SLTM: variants seen among roughly 807,000 people sequenced by gnomAD.
SLTM encodes the protein SAFB like transcription modulator.
SLTM carries 43 observed loss-of-function variants against 134.6 expected under a neutral mutation model. The ratio of observed to expected loss-of-function variants is 0.32; its 90% CI spans 0.25 to 0.41. SLTM has a LOEUF of 0.41. Among genes scored for constraint, SLTM ranks in the 10% least tolerant of loss-of-function variants. The pLI, the probability that SLTM is intolerant of heterozygous loss-of-function variation, is 1.00. For missense variants in SLTM, 1,055 were observed against 1,288.8 expected (o/e 0.82, Z 2.78); for synonymous variants, 424 against 432.3 (o/e 0.98, Z 0.24).
intron 9 of SLTM, among the ~76,000 whole-genome samples, chr15:58,895,451 G>A (rs1233353046): frequency 6.6e-6 from 1 of 152,092 alleles, no homozygotes; most frequent in African/African-American, 2.4e-5. Flanking sequence ...ACAAAGCAGG[G>A]ATGGATGAGT....
intron 1 of SLTM, among the ~76,000 whole-genome samples, chr15:58,933,174 G>A (rs1422763805): frequency 6.6e-6 from 1 of 151,736 alleles, no homozygotes; most frequent in East Asian, 1.9e-4. Flanking sequence ...GGCACGCTGG[G>A]CTGCGGTGGC....
At position 58,887,135 on chromosome 15, in the gene SLTM, T is replaced by TAA. The variant is rs768752086; in HGVS notation, c.2691-18_2691-17dup. On this transcript the variant is annotated splice_polypyrimidine_tract_variant and intron_variant, in intron 18 of 20. Coordinates refer to ENST00000380516, the MANE Select transcript of SLTM (RefSeq NM_024755.4). The stretch of plus-strand genomic sequence containing the variant: ...CCTTTCAACTCTGTTAAACAAAACA[T>TAA]AAAAACATACATGATCAAAACTGTA... The TAA allele has an allele frequency of 3.1e-6, 5 of 1,613,884 alleles. No homozygotes were observed. In the East Asian group the frequency reaches 1.1e-4, roughly 36 times the overall value.
chr15:58,910,491 A>G (rs566096481), intron 5 of SLTM, among the ~76,000 whole-genome samples: 1 of 152,356 alleles, frequency 6.6e-6, no homozygotes, highest in South Asian at 2.1e-4. Context: ...TAAGAAATAC[A>G]TAACTGTTCT....
At chr15:58,893,416 G>T in intron 12 of SLTM, 52 bp from the exon 13 acceptor site, 1 of 1,269,834 alleles carries the variant, frequency 7.9e-7, no homozygotes, top group Non-Finnish European at 1.1e-6. Flanking sequence ...CATTGAGAAA[G>T]AAAATATGTA....
chr15:58,903,628 G>A (rs557450761), intron 5 of SLTM, among the ~76,000 whole-genome samples: 2 of 151,982 alleles, frequency 1.3e-5, no homozygotes, highest in South Asian at 2.1e-4. Context: ...CATGGCACAT[G>A]TATACATATG....
chr15:58,911,110 C>T (rs1431338830), intron 5 of SLTM, among the ~76,000 whole-genome samples: 1 of 152,174 alleles, frequency 6.6e-6, no homozygotes, highest in Admixed American at 6.5e-5. Context: ...TTTCACCATT[C>T]TAATATTTCC....
chr15:58,901,563 TA>T (rs1458984641), intron 5 of SLTM, among the ~76,000 whole-genome samples: 1 of 152,236 alleles, frequency 6.6e-6, no homozygotes, highest in Non-Finnish European at 1.5e-5. Flanking sequence ...AACTAGTTTA[TA>T]TAATCCAATT....
At chr15:58,885,223 T>C (rs1233030353) in intron 19 of SLTM, among the ~76,000 whole-genome samples, 2 of 152,170 alleles carry the variant, frequency 1.3e-5, no homozygotes, top group Admixed American at 1.3e-4. Flanking sequence ...ACAGAAACTG[T>C]AGAACTAGAG....
intron 6 of SLTM, among the ~76,000 whole-genome samples, chr15:58,900,254 GT>G (rs1194264938): frequency 1.3e-5 from 2 of 152,184 alleles, no homozygotes; most frequent in Non-Finnish European, 2.9e-5. Flanking sequence ...GTTCCTCCAT[GT>G]GACAGTGACA....
At chr15:58,890,161 A>G (rs1205306275) in intron 15 of SLTM, 120 bp downstream of exon 15, 1 of 1,129,314 alleles carries the variant, frequency 8.9e-7, no homozygotes, top group African/African-American at 1.6e-5. Context: ...GACACTTAAA[A>G]GCTCCTTAGC....
At position 58,883,609 on chromosome 15, in the gene SLTM, A is replaced by C. The variant is rs767040453; in HGVS notation, c.2996+17T>G. On this transcript the variant is annotated intron_variant, in intron 20 of 20. Coordinates refer to ENST00000380516, the MANE Select transcript of SLTM (RefSeq NM_024755.4). Reference sequence around the variant, plus strand: ...GTGTTGGTTGTGTGCTGGCAGAAAAACTGGTTAGTTATTTACCTTGAATGT... The same window carrying C: ...GTGTTGGTTGTGTGCTGGCAGAAAACCTGGTTAGTTATTTACCTTGAATGT... 6.2e-7 allele frequency: 1 copy of C among 1,612,738 alleles called. No individual in the cohort carries two copies. Among genetic ancestry groups the C allele is most frequent in the African/African-American group, 1.3e-5 (1 of 74,772 alleles).
chr15:58,917,514 T>C (rs2036729639), intron 2 of SLTM, among the ~76,000 whole-genome samples: 1 of 152,212 alleles, frequency 6.6e-6, no homozygotes, highest in South Asian at 2.1e-4. Context: ...CTAGTACACC[T>C]TGCCTCTTCA....
rs535187227 is a variant in SLTM, at chr15:58,879,979, C to T, written c.*20G>A. ...GAGATTTCAATAAATTATCTTAAAA[C>T]CTTGGCAGAGAGCTCATTTTCAGAA... On this transcript the variant is annotated 3_prime_UTR_variant, in exon 21 of 21. Coordinates refer to ENST00000380516, the MANE Select transcript of SLTM (RefSeq NM_024755.4). 13 of 1,611,630 alleles carry T rather than the reference C, an allele frequency of 8.1e-6. No individual in the cohort carries two copies. The African/African-American group carries it at 1.5e-4, about 18-fold the overall frequency.
intron 4 of SLTM, among the ~76,000 whole-genome samples, chr15:58,912,972 T>C (rs1188998725): frequency 3.3e-5 from 5 of 152,196 alleles, no homozygotes; most frequent in African/African-American, 1.2e-4. Flanking sequence ...ATTTGAAATA[T>C]TATCTGCTTT....
chr15:58,912,870 ATAC>A, intron 4 of SLTM: 1 of 403,790 alleles, frequency 2.5e-6, no homozygotes, highest in African/African-American at 2.0e-5. Flanking sequence ...TTAAGCATGA[ATAC>A]TAACAGCACT....
intron 3 of SLTM, chr15:58,916,605 A>G (rs1012307708): frequency 5.3e-6 from 1 of 189,870 alleles, no homozygotes; most frequent in African/African-American, 2.4e-5. Context: ...CAAATTACCA[A>G]TATCCTTCCC....
At chr15:58,889,653 C>T in intron 15 of SLTM, 99 bp from the exon 16 acceptor site, 3 of 1,484,808 alleles carry the variant, frequency 2.0e-6, no homozygotes, top group Non-Finnish European at 2.7e-6. Context: ...AAGAAACCAT[C>T]ATAAGCAAAG....
At chr15:58,902,703 A>C (rs1178481054) in intron 5 of SLTM, among the ~76,000 whole-genome samples, 1 of 150,506 alleles carries the variant, frequency 6.6e-6, no homozygotes, top group Non-Finnish European at 1.5e-5. Flanking sequence ...AAATGTTTTA[A>C]TAACTTGTTT....
Position 58,922,800 on chromosome 15 carries a change from T to C in SLTM, c.251-5801A>G, listed in dbSNP as rs758427185. ...TGATCTTGGCTCACTGCCACCTCCA[T>C]CTTGTGGGTTCGAGCGATTCTCCCG... On this transcript the variant is annotated intron_variant, in intron 2 of 20. Coordinates refer to ENST00000380516, the MANE Select transcript of SLTM (RefSeq NM_024755.4). 2.6e-5 allele frequency among the ~76,000 whole-genome samples: 4 copies of C among 151,410 alleles called. No homozygotes were observed. The South Asian group carries it at 6.2e-4, about 24-fold the overall frequency.
Sources: gnomAD v4.1 joint callset for allele counts (sites outside exome capture counted in the v4.1 genomes callset) on GRCh38, gnomAD v4.1.1 for gene constraint, MANE v1.5 for transcripts, NCBI Gene and HGNC (gene_info 2026-07-23, HGNC 2026-07-21) for gene names.